Variants in GPC6 observed in about 807,000 individuals in gnomAD.
GPC6 encodes glypican-6.
A neutral mutation model predicts 55.2 loss-of-function variants in GPC6; 14 were observed. The ratio of observed to expected loss-of-function variants is 0.25; its 90% CI spans 0.17 to 0.40. The LOEUF is 0.40. GPC6 is among the 10% of genes least tolerant of loss of function. GPC6 has a pLI of 1.00. For missense variants in GPC6, 641 were observed against 708.5 expected, an observed-to-expected ratio of 0.90 and a Z score of 1.08; for synonymous variants, 278 against 259.6, an observed-to-expected ratio of 1.07 and a Z score of -0.68.
At chr13:93,490,470 T>C (rs913090093) in intron 1 of GPC6, among the ~76,000 whole-genome samples, 1 of 145,284 alleles carries the variant, frequency 6.9e-6, no homozygotes, top group African/African-American at 2.5e-5. Flanking sequence ...CTTTTTTTTT[T>C]TTTTTTTCAA....
At chr13:94,110,358 T>C (rs1484258447) in intron 4 of GPC6, among the ~76,000 whole-genome samples, 3 of 152,088 alleles carry the variant, frequency 2.0e-5, no homozygotes, top group Non-Finnish European at 4.4e-5. Flanking sequence ...AGATGGTTCC[T>C]AAACAGGGGA....
chr13:94,336,299 A>G (rs1877696523), intron 6 of GPC6, among the ~76,000 whole-genome samples: 1 of 152,168 alleles, frequency 6.6e-6, no homozygotes, highest in African/African-American at 2.4e-5. Flanking sequence ...TGAACCAAGC[A>G]GGGTGTGAAC....
At chr13:94,158,466 G>A (rs1888036033) in intron 4 of GPC6, among the ~76,000 whole-genome samples, 1 of 151,080 alleles carries the variant, frequency 6.6e-6, no homozygotes, top group Admixed American at 6.6e-5. Flanking sequence ...ATTCATAAAT[G>A]AAATGCCTAA....
At chr13:94,253,551 T>C (rs1594101138) in intron 4 of GPC6, among the ~76,000 whole-genome samples, 3 of 152,146 alleles carry the variant, frequency 2.0e-5, no homozygotes, top group East Asian at 3.9e-4. Context: ...GCCTTTTTGC[T>C]TTTTAAGATG....
chr13:93,735,463 G>T (rs564459710), intron 2 of GPC6, among the ~76,000 whole-genome samples: 9 of 151,764 alleles, frequency 5.9e-5, no homozygotes, highest in Admixed American at 5.3e-4. Flanking sequence ...AACCTAGTAG[G>T]TGGGGTTGCA....
At chr13:94,029,552 T>C (rs114105935) in intron 4 of GPC6, among the ~76,000 whole-genome samples, 1 of 152,336 alleles carries the variant, frequency 6.6e-6, no homozygotes, top group Non-Finnish European at 1.5e-5. Flanking sequence ...AAAGATCTGC[T>C]TATTTTAAAG....
chr13:93,932,656 G>C (rs1878235217), intron 3 of GPC6, among the ~76,000 whole-genome samples: 1 of 152,090 alleles, frequency 6.6e-6, no homozygotes, highest in Non-Finnish European at 1.5e-5. Context: ...AGATTTTGCA[G>C]TAAAATGGCC....
chr13:94,204,237 A>G (rs1889838972), intron 4 of GPC6, among the ~76,000 whole-genome samples: 1 of 152,172 alleles, frequency 6.6e-6, no homozygotes, highest in African/African-American at 2.4e-5. Context: ...GCTGATAAAC[A>G]AAAAGGGTAG....
At chr13:93,914,385 A>T (rs537886952) in intron 3 of GPC6, among the ~76,000 whole-genome samples, 1 of 152,286 alleles carries the variant, frequency 6.6e-6, no homozygotes, top group African/African-American at 2.4e-5. Context: ...TGTCCCTACA[A>T]AGGACATTAA....
At chr13:93,891,170 T>G (rs564586967) in intron 3 of GPC6, among the ~76,000 whole-genome samples, 1 of 152,192 alleles carries the variant, frequency 6.6e-6, no homozygotes, top group Non-Finnish European at 1.5e-5. Flanking sequence ...TACTTTAATG[T>G]TCACAGTGTA....
intron 3 of GPC6, among the ~76,000 whole-genome samples, chr13:93,999,515 A>G (rs944463670): frequency 4.6e-5 from 7 of 152,198 alleles, no homozygotes; most frequent in African/African-American, 1.7e-4. Context: ...TTTATAGTAG[A>G]ATGATTTCAT....
chr13:93,216,555 T>A, the GPC6 span, among the ~76,000 whole-genome samples: 3 of 150,756 alleles, frequency 2.0e-5, no homozygotes, highest in Non-Finnish European at 4.4e-5. Flanking sequence ...GTGCAGGAAG[T>A]CTAGGTCAAC....
intron 1 of GPC6, among the ~76,000 whole-genome samples, chr13:93,228,619 G>A (rs920800874): frequency 3.9e-5 from 6 of 152,194 alleles, no homozygotes; most frequent in Non-Finnish European, 5.9e-5. Context: ...TGAATGAAAC[G>A]TGTCGGGGAG....
intron 1 of GPC6, among the ~76,000 whole-genome samples, chr13:93,259,832 G>A (rs780287055): frequency 2.0e-5 from 3 of 151,944 alleles, no homozygotes; most frequent in Non-Finnish European, 4.4e-5. Context: ...ATCTTGTGTG[G>A]TAGCATCATT....
intron 2 of GPC6, among the ~76,000 whole-genome samples, chr13:93,742,029 A>G (rs1001286622): frequency 4.6e-5 from 7 of 152,242 alleles, no homozygotes; most frequent in Non-Finnish European, 1.0e-4. Flanking sequence ...GAGTTGCTTG[A>G]TTAGCCATAT....
intron 1 of GPC6, among the ~76,000 whole-genome samples, chr13:93,386,618 G>GA (rs1875418361): frequency 6.6e-6 from 1 of 152,196 alleles, no homozygotes; most frequent in Non-Finnish European, 1.5e-5. Flanking sequence ...GTGGCTGGTA[G>GA]AAGTCATCAT....
At chr13:93,476,299 CGTGT>C (rs372032463) in intron 1 of GPC6, among the ~76,000 whole-genome samples, 2 of 150,918 alleles carry the variant, frequency 1.3e-5, no homozygotes, top group African/African-American at 2.4e-5. Context: ...TGTGTGCGTG[CGTGT>C]GTGTGTGTGC....
intron 3 of GPC6, among the ~76,000 whole-genome samples, chr13:93,933,603 A>C (rs1037899422): frequency 3.3e-5 from 5 of 152,130 alleles, no homozygotes; most frequent in Non-Finnish European, 7.4e-5. Context: ...AAACCCTTAG[A>C]AGAATGGTTG....
In GPC6 at chr13:94,403,038, A is replaced by T; in HGVS notation, c.1489A>T (p.Ser497Cys). Residue 497 changes from serine (S) to cysteine (C), a missense_variant, in exon 9 of 9, where the codon AGT becomes TGT. Transcript: ENST00000377047. ...DTSDESSGSGSGSGCMDDVCP... is the reference protein window; with the variant it reads ...DTSDESSGSGCGSGCMDDVCP... ...AGGTGATGAATCCAGTGGCTCAGGG[A>T]GTGGCAGTGGGTGCATGGATGACGT... is the stretch of plus-strand genomic sequence containing the variant. 1 of 1,612,770 alleles carries T rather than the reference A, an allele frequency of 6.2e-7. No individual in the cohort carries two copies. The highest frequency in any genetic ancestry group is 8.5e-7 in the Non-Finnish European group (1 of 1,178,772).
Sources: gnomAD v4.1 joint callset for allele counts (sites outside exome capture counted in the v4.1 genomes callset) on GRCh38, gnomAD v4.1.1 for gene constraint, MANE v1.5 for transcripts, NCBI Gene and HGNC (gene_info 2026-07-23, HGNC 2026-07-21) for gene names.